The following MDGA2 variants were observed in gnomAD, a reference collection of about 807,000 sequenced individuals.
MDGA2 encodes the protein MAM domain-containing glycosylphosphatidylinositol anchor protein 2.
In MDGA2, 40 loss-of-function variants were observed where a neutral mutation model predicts 117.8. The ratio of observed to expected loss-of-function variants is 0.34; its 90% CI spans 0.26 to 0.44. The LOEUF is 0.44. Among genes scored for constraint, MDGA2 ranks in the 20% least tolerant of loss-of-function variants. MDGA2 has a pLI of 1.00. For synonymous variants in MDGA2, 452 were observed against 439.0 expected, an observed-to-expected ratio of 1.03 and a Z score of -0.37; for missense variants, 1,123 against 1,250.6, an observed-to-expected ratio of 0.90 and a Z score of 1.54.
intron 1 of MDGA2, among the ~76,000 whole-genome samples, chr14:47,344,873 G>A (rs1890730373): frequency 7.4e-6 from 1 of 135,546 alleles, no homozygotes; most frequent in Non-Finnish European, 1.7e-5. Flanking sequence ...GTGTGTGTAT[G>A]AGAGTGTGTG....
At chr14:46,913,031 T>A (rs1001974824) in intron 10 of MDGA2, among the ~76,000 whole-genome samples, 1 of 152,122 alleles carries the variant, frequency 6.6e-6, no homozygotes, top group African/African-American at 2.4e-5. Flanking sequence ...CTCATCTCTA[T>A]ATGTTTAATG....
chr14:47,439,275 T>C (rs1289987141), intron 1 of MDGA2, among the ~76,000 whole-genome samples: 1 of 152,130 alleles, frequency 6.6e-6, no homozygotes, highest in Admixed American at 6.6e-5. Context: ...ATGATATAAA[T>C]AGATATATGC....
At position 47,155,888 on chromosome 14, in the gene MDGA2, C is replaced by CTTTTTT. The variant is rs55827732; in HGVS notation, c.596-11620_596-11615dup. Among the ~76,000 whole-genome samples the CTTTTTT allele has an allele frequency of 4.8e-3, 192 of 40,028 alleles. 14 individuals are homozygous for CTTTTTT. Among genetic ancestry groups the CTTTTTT allele is most frequent in the Non-Finnish European group, 5.7e-3 (132 of 22,962 alleles). The allele number at this position is 40,028 out of a possible 152,430, so 26.3% of individuals were successfully genotyped here. On this transcript the variant is annotated intron_variant, in intron 3 of 16. Transcript: ENST00000399232. ...ATTCTTTTCTTTTCTTCTTCTTCTT[C>CTTTTTT]TTTTTTTTTTTTTTTTTTTTTTTTT...
chr14:47,594,734 C>T (rs556713948), intron 1 of MDGA2, among the ~76,000 whole-genome samples: 12 of 152,324 alleles, frequency 7.9e-5, no homozygotes, highest in Admixed American at 3.3e-4. Context: ...GTTCCCACTG[C>T]GAGGTGCCAT....
intron 4 of MDGA2, among the ~76,000 whole-genome samples, chr14:47,136,392 T>C (rs923853280): frequency 2.0e-5 from 3 of 151,936 alleles, no homozygotes; most frequent in Non-Finnish European, 4.4e-5. Context: ...AGACGGGATT[T>C]CACCATATTG....
intron 3 of MDGA2, among the ~76,000 whole-genome samples, chr14:47,190,683 A>T (rs1244694190): frequency 6.6e-6 from 1 of 152,198 alleles, no homozygotes; most frequent in Admixed American, 6.5e-5. Flanking sequence ...CATATAAATT[A>T]TTCGGTATTT....
intron 8 of MDGA2, among the ~76,000 whole-genome samples, chr14:47,021,531 A>C (rs1209597641): frequency 6.6e-6 from 1 of 152,120 alleles, no homozygotes; most frequent in African/African-American, 2.4e-5. Context: ...CTTATTTTTT[A>C]TTCTTGTCTT....
At chr14:47,186,468 C>A (rs556530757) in intron 3 of MDGA2, among the ~76,000 whole-genome samples, 1 of 151,892 alleles carries the variant, frequency 6.6e-6, no homozygotes, top group African/African-American at 2.4e-5. Context: ...GCACACATAA[C>A]ATGCTTCACT....
At chr14:47,448,746 T>G (rs955367053) in intron 1 of MDGA2, among the ~76,000 whole-genome samples, 16 of 152,194 alleles carry the variant, frequency 1.1e-4, no homozygotes, top group Non-Finnish European at 1.0e-4. Context: ...AGAAAGAGAT[T>G]GCAGGAAACC....
intron 2 of MDGA2, among the ~76,000 whole-genome samples, chr14:47,248,831 T>C (rs1335906484): frequency 1.3e-5 from 2 of 152,152 alleles, no homozygotes; most frequent in Non-Finnish European, 2.9e-5. Context: ...AAAAATTCAA[T>C]TAATGCTGCT....
intron 5 of MDGA2, among the ~76,000 whole-genome samples, chr14:47,112,592 T>C (rs1331526963): frequency 3.3e-5 from 5 of 152,216 alleles, no homozygotes. Context: ...TCTGGCTGCA[T>C]AGTATTCCAT....
At chr14:47,086,974 T>C (rs1281385291) in intron 6 of MDGA2, among the ~76,000 whole-genome samples, 1 of 152,206 alleles carries the variant, frequency 6.6e-6, no homozygotes, top group Non-Finnish European at 1.5e-5. Context: ...TTTTCCCTTA[T>C]AGCAACTGAC....
chr14:47,558,756 G>C (rs1038747747), intron 1 of MDGA2, among the ~76,000 whole-genome samples: 1 of 152,108 alleles, frequency 6.6e-6, no homozygotes, highest in Non-Finnish European at 1.5e-5. Context: ...AGAAGAAATA[G>C]ATATTAAATA....
intron 6 of MDGA2, among the ~76,000 whole-genome samples, chr14:47,080,397 A>G (rs911620409): frequency 1.3e-5 from 2 of 152,202 alleles, no homozygotes; most frequent in Non-Finnish European, 2.9e-5. Flanking sequence ...TTTGTCAATT[A>G]AAAATATTTT....
intron 2 of MDGA2, among the ~76,000 whole-genome samples, chr14:47,229,554 T>G (rs1028061247): frequency 6.6e-6 from 1 of 151,854 alleles, no homozygotes; most frequent in South Asian, 2.1e-4. Flanking sequence ...GATCTGTTAA[T>G]CAAATGCAAA....
chr14:47,652,943 T>G (rs936002609), intron 1 of MDGA2, among the ~76,000 whole-genome samples: 1 of 152,138 alleles, frequency 6.6e-6, no homozygotes, highest in Non-Finnish European at 1.5e-5. Context: ...TACTACACCA[T>G]GGGGAAGTAA....
At position 47,128,425 on chromosome 14, in the gene MDGA2, C is replaced by T. The variant is rs553826818; in HGVS notation, c.925+3289G>A. Among the ~76,000 whole-genome samples the T allele has an allele frequency of 2.6e-5, 4 of 151,920 alleles. No homozygotes were observed. In the South Asian group the frequency reaches 8.3e-4, roughly 32 times the overall value. On this transcript the variant is annotated intron_variant, in intron 5 of 16. Transcript: ENST00000399232. The stretch of plus-strand genomic sequence containing the variant: ...GTAATTCTTTTATTCATCCCATAGG[C>T]CATACTTTCATTTTATTTTTAATTT...
chr14:47,574,227 T>G (rs1896073722), intron 1 of MDGA2, among the ~76,000 whole-genome samples: 1 of 152,182 alleles, frequency 6.6e-6, no homozygotes, highest in African/African-American at 2.4e-5. Context: ...TCAGCAACTG[T>G]GGCCCTATCC....
intron 3 of MDGA2, among the ~76,000 whole-genome samples, chr14:47,199,223 T>C (rs920375026): frequency 9.2e-5 from 14 of 152,046 alleles, no homozygotes; most frequent in Non-Finnish European, 2.1e-4. Context: ...ATATGTCATA[T>C]ATATAATTTG....
Sources: gnomAD v4.1 joint callset for allele counts (sites outside exome capture counted in the v4.1 genomes callset) on GRCh38, gnomAD v4.1.1 for gene constraint, MANE v1.5 for transcripts, NCBI Gene and HGNC (gene_info 2026-07-23, HGNC 2026-07-21) for gene names.